BTG4: variants seen among roughly 807,000 people sequenced by gnomAD.
BTG4 encodes the protein protein BTG4.
BTG4 carries 10 observed loss-of-function variants against 19.3 expected under a neutral mutation model. That is an observed-to-expected ratio of 0.52 (90% CI 0.32 to 0.88). The LOEUF (loss-of-function observed/expected upper bound fraction) is 0.88, where lower values mean the gene tolerates loss of function less well. Ranked by LOEUF, BTG4 falls within the 40% of genes least tolerant of loss-of-function variation. The pLI is 0.04. For synonymous variants in BTG4, 91 were observed against 95.7 expected, an observed-to-expected ratio of 0.95 and a Z score of 0.29; for missense variants, 238 against 281.9, an observed-to-expected ratio of 0.84 and a Z score of 1.11.
At chr11:111,410,924 C>T in the BTG4 span, among the ~76,000 whole-genome samples, 8 of 152,202 alleles carry the variant, frequency 5.3e-5, no homozygotes, top group Non-Finnish European at 1.2e-4. Flanking sequence ...CCCAGCCTGT[C>T]AGAAAATCCT....
At chr11:111,484,110 A>G (rs570969152) in intron 5 of BTG4, among the ~76,000 whole-genome samples, 5 of 152,188 alleles carry the variant, frequency 3.3e-5, no homozygotes, top group Non-Finnish European at 7.4e-5. Flanking sequence ...AACCTAGAAT[A>G]TCATATCTAG....
intron 5 of BTG4, among the ~76,000 whole-genome samples, chr11:111,474,397 G>T (rs1162263813): frequency 6.6e-6 from 1 of 152,070 alleles, no homozygotes. Flanking sequence ...ATCATCAATA[G>T]TTTTCGCTTA....
chr11:111,508,692 G>C (rs773454045), intron 1 of BTG4, among the ~76,000 whole-genome samples: 2 of 150,890 alleles, frequency 1.3e-5, no homozygotes, highest in Non-Finnish European at 3.0e-5. Context: ...AATGAAGTTT[G>C]TATTAGTCAT....
At chr11:111,467,181 A>G (rs1863769406), downstream of BTG4, among the ~76,000 whole-genome samples, 1 of 152,214 alleles carries the variant, frequency 6.6e-6, no homozygotes. Flanking sequence ...AAAAAACCCT[A>G]TGAGACAGAT....
At chr11:111,425,451 G>A in the BTG4 span, among the ~76,000 whole-genome samples, 6 of 152,274 alleles carry the variant, frequency 3.9e-5, no homozygotes, top group Middle Eastern at 3.4e-3. Flanking sequence ...AAGGAGCCTG[G>A]GGACTTGGGG....
At position 111,481,392 on chromosome 11, in the gene BTG4, C is replaced by G. The variant is rs1864730475; in HGVS notation, c.663-13711G>C. Among the ~76,000 whole-genome samples, 3 of 151,856 alleles carry G rather than the reference C, an allele frequency of 2.0e-5. No homozygotes were observed. In the South Asian group the frequency reaches 6.2e-4, roughly 31 times the overall value. On this transcript the variant is annotated intron_variant, in intron 5 of 5. Transcript: ENST00000356018. The stretch of plus-strand genomic sequence containing the variant: ...GATTAACATCAACTCTATGCAATTT[C>G]TTCTATAAAATAGAAGAGCATTACA...
chr11:111,458,606 C>T, the BTG4 span, among the ~76,000 whole-genome samples: 1 of 152,166 alleles, frequency 6.6e-6, no homozygotes, highest in Non-Finnish European at 1.5e-5. Flanking sequence ...GCCTGAATCT[C>T]CTGAGTCCTC....
the BTG4 span, among the ~76,000 whole-genome samples, chr11:111,419,170 G>A: frequency 6.6e-6 from 1 of 152,162 alleles, no homozygotes; most frequent in Non-Finnish European, 1.5e-5. Context: ...GAGGTACTGG[G>A]GATTAGGAAG....
chr11:111,455,949 T>C, the BTG4 span: 3 of 382,664 alleles, frequency 7.8e-6, no homozygotes, highest in South Asian at 5.5e-5. Flanking sequence ...ACTAGCCCTG[T>C]AGAAACTCCA....
At chr11:111,450,558 G>A in the BTG4 span, 1 of 152,358 alleles carries the variant, frequency 6.6e-6, no homozygotes, top group African/African-American at 2.4e-5. Flanking sequence ...AGAAGCTGAG[G>A]TTTGACAGGG....
chr11:111,446,262 C>G, the BTG4 span, among the ~76,000 whole-genome samples: 1 of 152,202 alleles, frequency 6.6e-6, no homozygotes, highest in African/African-American at 2.4e-5. Context: ...CTGGTATGAT[C>G]TTAGGCAAGT....
At chr11:111,495,809 T>A (rs1416287866) in intron 4 of BTG4, among the ~76,000 whole-genome samples, 2 of 152,222 alleles carry the variant, frequency 1.3e-5, no homozygotes, top group East Asian at 3.8e-4. Flanking sequence ...GGGCAAATAC[T>A]GTAAATCCTC....
intron 5 of BTG4, among the ~76,000 whole-genome samples, chr11:111,471,748 C>G (rs750422449): frequency 1.2e-4 from 19 of 152,316 alleles, no homozygotes; most frequent in African/African-American, 4.6e-4. Flanking sequence ...ACCCATACCT[C>G]CAACTGTTTA....
the BTG4 span, among the ~76,000 whole-genome samples, chr11:111,392,782 G>T: frequency 6.6e-6 from 1 of 152,142 alleles, no homozygotes; most frequent in Admixed American, 6.5e-5. Context: ...CTAGCTAAGA[G>T]CCCAGACCTG....
At chr11:111,461,271 C>G in the BTG4 span, among the ~76,000 whole-genome samples, 4 of 152,180 alleles carry the variant, frequency 2.6e-5, no homozygotes, top group Non-Finnish European at 5.9e-5. Context: ...CCTGACACCA[C>G]TGTTTCACAG....
chr11:111,416,953 A>G, the BTG4 span: 1 of 152,182 alleles, frequency 6.6e-6, no homozygotes, highest in Non-Finnish European at 1.5e-5. Flanking sequence ...TAGATTTTTA[A>G]GGGAGCCGGT....
chr11:111,422,468 A>G, the BTG4 span, among the ~76,000 whole-genome samples: 1 of 152,192 alleles, frequency 6.6e-6, no homozygotes. Context: ...TGCCACCCCA[A>G]GAGTCCTGGA....
chr11:111,500,893 T>C (rs1420364966), intron 1 of BTG4, among the ~76,000 whole-genome samples: 1 of 152,088 alleles, frequency 6.6e-6, no homozygotes, highest in Non-Finnish European at 1.5e-5. Context: ...ATCTTTCCAT[T>C]CCTGCACAAT....
At chr11:111,478,599 G>A (rs1227922740) in intron 5 of BTG4, among the ~76,000 whole-genome samples, 2 of 152,096 alleles carry the variant, frequency 1.3e-5, no homozygotes, top group Non-Finnish European at 2.9e-5. Flanking sequence ...TTCAACAAGC[G>A]ATTATGAACA....
Sources: allele counts gnomAD v4.1 joint callset (sites outside exome capture counted in the v4.1 genomes callset), GRCh38; gene constraint gnomAD v4.1.1; transcripts MANE v1.5; gene names NCBI Gene and HGNC (gene_info 2026-07-23, HGNC 2026-07-21).